Variants in ADAMTSL3 observed in about 807,000 individuals in gnomAD.
ADAMTSL3 encodes the protein ADAMTS like 3, also known as ADAMTS-like protein 3.
In ADAMTSL3, 128 loss-of-function variants were observed where a neutral mutation model predicts 201.7. That is an observed-to-expected ratio of 0.63 (90% CI 0.55 to 0.73). The LOEUF (loss-of-function observed/expected upper bound fraction) is 0.73, where lower values mean the gene tolerates loss of function less well. ADAMTSL3 is among the 30% of genes least tolerant of loss of function. The pLI is 0.00. For missense variants in ADAMTSL3, 1,990 were observed against 2,119.6 expected (o/e 0.94, Z 1.20); for synonymous variants, 738 against 748.4 (o/e 0.99, Z 0.23).
chr15:83,867,755 A>C (rs1229632661), intron 8 of ADAMTSL3, among the ~76,000 whole-genome samples: 3 of 152,162 alleles, frequency 2.0e-5, no homozygotes, highest in African/African-American at 7.2e-5. Flanking sequence ...CATGGCCTTT[A>C]GAATTTAGGG....
intron 3 of ADAMTSL3, among the ~76,000 whole-genome samples, chr15:83,718,690 C>CA (rs35735223): frequency 0.31 from 27,080 of 86,964 alleles, 3,284 homozygotes; most frequent in Middle Eastern, 0.51. Context: ...GACTCCGTCT[C>CA]AAAAAAAAAA....
At chr15:83,671,219 G>A (rs969024527) in intron 2 of ADAMTSL3, among the ~76,000 whole-genome samples, 4 of 152,094 alleles carry the variant, frequency 2.6e-5, no homozygotes, top group African/African-American at 9.7e-5. Context: ...TCCTGGGTCT[G>A]TTTAAATTGC....
At chr15:83,972,861 CTTT>C (rs2067220573) in intron 20 of ADAMTSL3, among the ~76,000 whole-genome samples, 1 of 152,140 alleles carries the variant, frequency 6.6e-6, no homozygotes, top group Non-Finnish European at 1.5e-5. Flanking sequence ...TGCTTCTACA[CTTT>C]CACATAGCAT....
chr15:83,906,618 CACACCACACACACACACACACACACA>C (rs2065839226), intron 15 of ADAMTSL3, among the ~76,000 whole-genome samples: 1 of 25,628 alleles, frequency 3.9e-5, no homozygotes, highest in African/African-American at 3.0e-4. Flanking sequence ...TATAGTGCCA[CACACCACACACACACACACACACACA>C]CACACACACA....
rs193047087 is a variant in ADAMTSL3, at chr15:83,961,464, C to T, written c.2491-9020C>T. ...AGCTTTTATCTGCAAGTCATAATAG[C>T]ACAGCATGCGCCACTAAGCCTGTGT... On this transcript the variant is annotated intron_variant, in intron 19 of 29. Transcript: ENST00000286744. 3 of 152,294 alleles carry T rather than the reference C, an allele frequency of 2.0e-5. No individual in the cohort carries two copies. The East Asian group carries it at 5.8e-4, about 29-fold the overall frequency. 9.4% of individuals were successfully genotyped at this position (152,294 alleles called of 1,614,324 possible). A position where few individuals can be genotyped will look rare whatever the true frequency, so the allele number is the denominator to read the frequency against.
chr15:83,803,590 G>C (rs1308490603), intron 4 of ADAMTSL3, among the ~76,000 whole-genome samples: 1 of 152,140 alleles, frequency 6.6e-6, no homozygotes, highest in Non-Finnish European at 1.5e-5. Flanking sequence ...GAAGAGATCA[G>C]ATATTTTTAA....
At chr15:83,935,140 C>A (rs2066439724) in intron 17 of ADAMTSL3, among the ~76,000 whole-genome samples, 1 of 152,228 alleles carries the variant, frequency 6.6e-6, no homozygotes, top group Middle Eastern at 3.4e-3. Flanking sequence ...TATCACTTTG[C>A]AATATATCCA....
chr15:83,692,220 C>A (rs2061618388), intron 2 of ADAMTSL3, among the ~76,000 whole-genome samples: 2 of 151,260 alleles, frequency 1.3e-5, no homozygotes, highest in South Asian at 4.2e-4. Context: ...ATGTTAGCAT[C>A]TTAATATTAT....
chr15:83,997,700 G>C (rs1283857183), intron 23 of ADAMTSL3, among the ~76,000 whole-genome samples: 1 of 152,182 alleles, frequency 6.6e-6, no homozygotes. Context: ...TTGGAGAATG[G>C]ACTTTTTTTT....
chr15:83,958,636 G>A (rs945166177), intron 19 of ADAMTSL3, among the ~76,000 whole-genome samples: 12 of 152,086 alleles, frequency 7.9e-5, no homozygotes, highest in Non-Finnish European at 1.6e-4. Flanking sequence ...TAAGATAAAA[G>A]TATCAATAGC....
chr15:83,788,741 T>C (rs952626619), intron 4 of ADAMTSL3, among the ~76,000 whole-genome samples: 1 of 152,210 alleles, frequency 6.6e-6, no homozygotes, highest in Non-Finnish European at 1.5e-5. Context: ...TAAAAACTCA[T>C]TCTCTTCAGT....
At chr15:84,026,728 A>G (rs1215234520) in intron 27 of ADAMTSL3, among the ~76,000 whole-genome samples, 1 of 152,214 alleles carries the variant, frequency 6.6e-6, no homozygotes, top group East Asian at 1.9e-4. Flanking sequence ...ATGCAGGACA[A>G]CTTCCAAAAA....
chr15:83,772,414 C>T (rs2062999344), intron 3 of ADAMTSL3, among the ~76,000 whole-genome samples: 1 of 152,164 alleles, frequency 6.6e-6, no homozygotes, highest in South Asian at 2.1e-4. Context: ...TCTATACCTA[C>T]ATCTATGTAC....
chr15:83,898,173 A>G (rs2065654063), intron 14 of ADAMTSL3, among the ~76,000 whole-genome samples, 168 bp downstream of exon 14: 1 of 152,076 alleles, frequency 6.6e-6, no homozygotes, highest in African/African-American at 2.4e-5. Context: ...TATGTGAATT[A>G]TTCATCTGGA....
intron 3 of ADAMTSL3, among the ~76,000 whole-genome samples, chr15:83,761,513 CTTTTACTTTAA>C (rs1349672793): frequency 1.3e-5 from 2 of 152,108 alleles, no homozygotes; most frequent in African/African-American, 4.8e-5. Flanking sequence ...CAATCTCTTT[CTTTTACTTTAA>C]TTTCCTGGAG....
Position 83,954,454 on chromosome 15 carries a change from T to G in ADAMTSL3, c.2490+11372T>G, listed in dbSNP as rs997158679. 2.6e-5 allele frequency among the ~76,000 whole-genome samples: 4 copies of G among 152,254 alleles called. No homozygotes were observed. In the East Asian group the frequency reaches 7.7e-4, roughly 29 times the overall value. On this transcript the variant is annotated intron_variant, in intron 19 of 29. Coordinates refer to ENST00000286744, the MANE Select transcript of ADAMTSL3 (RefSeq NM_207517.3). ...CTTTTCTATATTGTCTTGAATTTGT[T>G]TGAGTTTCCTCAAAATGGCTATTTT... is the stretch of plus-strand genomic sequence containing the variant.
At chr15:83,835,498 C>T (rs1197206359) in intron 6 of ADAMTSL3, among the ~76,000 whole-genome samples, 1 of 152,092 alleles carries the variant, frequency 6.6e-6, no homozygotes, top group Non-Finnish European at 1.5e-5. Context: ...TCTTGCAAGG[C>T]CTTAAACACT....
At chr15:83,743,882 G>T (rs1318878004) in intron 3 of ADAMTSL3, among the ~76,000 whole-genome samples, 1 of 151,646 alleles carries the variant, frequency 6.6e-6, no homozygotes, top group African/African-American at 2.4e-5. Context: ...TTTTGATATG[G>T]CGTCTGTTGC....
intron 28 of ADAMTSL3, among the ~76,000 whole-genome samples, chr15:84,035,172 CT>C (rs2068482164): frequency 6.6e-6 from 1 of 152,154 alleles, no homozygotes; most frequent in Non-Finnish European, 1.5e-5. Flanking sequence ...CTCAATAGTC[CT>C]GTCTGACTTC....
Sources: allele counts gnomAD v4.1 joint callset (sites outside exome capture counted in the v4.1 genomes callset), GRCh38; gene constraint gnomAD v4.1.1; transcripts MANE v1.5; gene names NCBI Gene and HGNC (gene_info 2026-07-23, HGNC 2026-07-21).